The following SLC25A33 variants were observed in gnomAD, a reference collection of about 807,000 sequenced individuals.
SLC25A33 encodes the protein solute carrier family 25 member 33.
In SLC25A33, 15 loss-of-function variants were observed where a neutral mutation model predicts 35.5. That is an observed-to-expected ratio of 0.42 (90% confidence interval 0.28 to 0.65). SLC25A33 has a LOEUF of 0.65. Ranked by LOEUF, SLC25A33 falls within the 30% of genes least tolerant of loss-of-function variation. The probability of loss-of-function intolerance (pLI) is 0.20; values close to 1 mark genes in which losing one functional copy is unlikely to be tolerated. For missense variants in SLC25A33, 257 were observed against 398.5 expected, an observed-to-expected ratio of 0.64 and a Z score of 3.02; for synonymous variants, 136 against 148.7, an observed-to-expected ratio of 0.91 and a Z score of 0.62.
Position 9,582,240 on chromosome 1 carries a change from G to A in SLC25A33, c.764-59G>A. Reference sequence around the variant, plus strand: ...AACCTTGACAGTTTTAAAGTTGTGTGCTGTGGATTCGTTCCCCATTTAATA... The same window carrying A: ...AACCTTGACAGTTTTAAAGTTGTGTACTGTGGATTCGTTCCCCATTTAATA... On this transcript the variant is annotated intron_variant, in intron 6 of 6. Transcript: ENST00000302692. The surrounding 1 kb of genome is among the most constrained non-coding windows in gnomAD (Gnocchi z 4.0). The A allele has an allele frequency of 6.3e-7, 1 of 1,574,872 alleles. No individual in the cohort carries two copies. The highest frequency in any genetic ancestry group is 8.7e-7 in the Non-Finnish European group (1 of 1,144,814).
rs939321588 is a variant in SLC25A33 at position 9,584,954 on chromosome 1, C to T, written c.*2453C>T. ...CTGGTCTCAGACTACTGGCCAGAAG[C>T]GATCTTACCTCCTCAGCCTCCCAAA... On this transcript the variant is annotated 3_prime_UTR_variant, in exon 7 of 7. Coordinates refer to ENST00000302692, the MANE Select transcript of SLC25A33 (RefSeq NM_032315.3). 4 of 152,044 alleles carry T rather than the reference C, an allele frequency of 2.6e-5. No individual in the cohort carries two copies. Among genetic ancestry groups the T allele is most frequent in the African/African-American group, 7.2e-5 (3 of 41,380 alleles). 9.4% of individuals were successfully genotyped at this position (152,044 alleles called of 1,614,324 possible).
At chr1:9,558,018 C>T (rs1643370225) in intron 2 of SLC25A33, among the ~76,000 whole-genome samples, 2 of 152,162 alleles carry the variant, frequency 1.3e-5, no homozygotes, top group South Asian at 2.1e-4. Flanking sequence ...ACTCCTTTTA[C>T]GTGGTAGTAT....
chr1:9,574,698 A>G (rs1643636290), intron 5 of SLC25A33, among the ~76,000 whole-genome samples: 1 of 152,198 alleles, frequency 6.6e-6, no homozygotes, highest in Non-Finnish European at 1.5e-5. Flanking sequence ...AGCTTCATCT[A>G]AGTTGTAAAA....
intron 2 of SLC25A33, among the ~76,000 whole-genome samples, chr1:9,562,097 C>T (rs1035757344): frequency 6.6e-6 from 1 of 150,784 alleles, no homozygotes; most frequent in Admixed American, 6.6e-5. Context: ...CCTGCAATCC[C>T]AGCACTTTGG....
intron 2 of SLC25A33, chr1:9,556,376 C>A: frequency 3.0e-6 from 1 of 332,088 alleles, no homozygotes; most frequent in Non-Finnish European, 4.3e-6. Flanking sequence ...GTCAATAGGG[C>A]CAACCTGGAA....
chr1:9,558,372 C>CA (rs1305361602), intron 2 of SLC25A33, among the ~76,000 whole-genome samples: 3 of 152,190 alleles, frequency 2.0e-5, no homozygotes, highest in Non-Finnish European at 4.4e-5. Flanking sequence ...GTCCAGGGCC[C>CA]AGACCCTGGC....
intron 2 of SLC25A33, among the ~76,000 whole-genome samples, chr1:9,561,894 G>A (rs969858405): frequency 6.6e-6 from 1 of 152,136 alleles, no homozygotes; most frequent in African/African-American, 2.4e-5. Context: ...GGTGTTACTT[G>A]AGAGAGGTTT....
rs548605120 is a variant in SLC25A33, at chr1:9,549,479, G to A, written c.57-4147G>A. 7.5e-5 allele frequency among the ~76,000 whole-genome samples: 11 copies of A among 146,076 alleles called. No homozygotes were observed. In the East Asian group the frequency reaches 8.2e-4, roughly 11 times the overall value. ...ATGAACTGCTGATGGGATCAATGGC[G>A]GGGAGGAACTGATGGTGGGATCAAC... On this transcript the variant is annotated intron_variant, in intron 1 of 6. Transcript: ENST00000302692.
chr1:9,573,462 T>G (rs754029683), intron 5 of SLC25A33, 50 bp downstream of exon 5: 1 of 1,493,260 alleles, frequency 6.7e-7, no homozygotes, highest in Non-Finnish European at 9.3e-7. Flanking sequence ...TGGGATTTTT[T>G]TTTCTTGCCC....
intron 3 of SLC25A33, among the ~76,000 whole-genome samples, chr1:9,569,915 CAA>C (rs925396842): frequency 6.9e-6 from 1 of 144,870 alleles, no homozygotes; most frequent in Non-Finnish European, 1.5e-5. Flanking sequence ...ATTCTAGAAA[CAA>C]AAAAAAAAAT....
At chr1:9,556,522 T>C (rs1186197482) in intron 2 of SLC25A33, among the ~76,000 whole-genome samples, 1 of 152,204 alleles carries the variant, frequency 6.6e-6, no homozygotes, top group African/African-American at 2.4e-5. Flanking sequence ...CAGTTCAGCA[T>C]CCCCAGTCCA....
chr1:9,543,430 C>T (rs1203284522), intron 1 of SLC25A33, among the ~76,000 whole-genome samples: 26 of 152,226 alleles, frequency 1.7e-4, no homozygotes, highest in Non-Finnish European at 3.8e-4. Flanking sequence ...AGGTGTGAGC[C>T]ACTGGGCCCA....
At chr1:9,566,562 T>A (rs1643508632) in intron 2 of SLC25A33, among the ~76,000 whole-genome samples, 2 of 152,098 alleles carry the variant, frequency 1.3e-5, no homozygotes, top group South Asian at 4.2e-4. Flanking sequence ...TCCTCCTGTG[T>A]TGGGCCGGGT....
rs1229710960 is a variant in SLC25A33 at position 9,584,714 on chromosome 1, TTTG to T, written c.*2219_*2221del. ...ATACCTGGCCCGCGCCGCCCCTTCC[TTTG>T]TTGTTATTGTTGTTTTGAGACAAGG... On this transcript the variant is annotated 3_prime_UTR_variant, in exon 7 of 7. Coordinates refer to ENST00000302692, the MANE Select transcript of SLC25A33 (RefSeq NM_032315.3). 2.0e-5 allele frequency: 3 copies of T among 152,108 alleles called. No individual in the cohort carries two copies. The highest frequency in any genetic ancestry group is 7.2e-5 in the African/African-American group (3 of 41,382). The allele number at this position is 152,108 out of a possible 1,614,324, so 9.4% of individuals were successfully genotyped here.
At chr1:9,566,074 C>G (rs1157215245) in intron 2 of SLC25A33, among the ~76,000 whole-genome samples, 3 of 151,932 alleles carry the variant, frequency 2.0e-5, no homozygotes, top group Non-Finnish European at 2.9e-5. Context: ...GGGTCTCTTT[C>G]TGTCGCTAAA....
chr1:9,540,368 T>C (rs925649964), intron 1 of SLC25A33, among the ~76,000 whole-genome samples: 2 of 152,140 alleles, frequency 1.3e-5, no homozygotes, highest in Admixed American at 6.6e-5. Flanking sequence ...TGGTAGACGC[T>C]TCCAACGCCA....
intron 1 of SLC25A33, among the ~76,000 whole-genome samples, chr1:9,542,747 A>G (rs1382109190): frequency 6.6e-6 from 1 of 152,238 alleles, no homozygotes; most frequent in African/African-American, 2.4e-5. Context: ...TGGAAACTAT[A>G]ACATCAAACA....
intron 2 of SLC25A33, among the ~76,000 whole-genome samples, chr1:9,565,621 A>G (rs1473484875): frequency 1.3e-5 from 2 of 149,554 alleles, no homozygotes; most frequent in South Asian, 4.3e-4. Context: ...GCTCACGCCT[A>G]TAATCCCAGC....
chr1:9,579,728 A>G (rs1043765799), intron 5 of SLC25A33, among the ~76,000 whole-genome samples: 10 of 152,190 alleles, frequency 6.6e-5, no homozygotes, highest in African/African-American at 1.2e-4. Flanking sequence ...AGGACATTAG[A>G]GGATGGCCTT....
Sources: gnomAD v4.1 joint callset for allele counts (sites outside exome capture counted in the v4.1 genomes callset) on GRCh38, gnomAD v4.1.1 for gene constraint, Gnocchi (gnomAD v3.1) non-coding constraint, MANE v1.5 for transcripts, NCBI Gene and HGNC (gene_info 2026-07-23, HGNC 2026-07-21) for gene names.